The following TAFA2 variants were observed in gnomAD, a reference collection of about 807,000 sequenced individuals.
TAFA2 encodes the protein TAFA chemokine like family member 2.
A neutral mutation model predicts 18.8 loss-of-function variants in TAFA2; 7 were observed. The ratio of observed to expected loss-of-function variants is 0.37; its 90% CI spans 0.21 to 0.70. The LOEUF is 0.70. TAFA2 is among the 30% of genes least tolerant of loss of function. TAFA2 has a pLI of 0.53. For missense variants in TAFA2, 122 were observed against 158.1 expected (o/e 0.77, Z 1.23); for synonymous variants, 60 against 54.2 (o/e 1.11, Z -0.47).
intron 1 of TAFA2, among the ~76,000 whole-genome samples, chr12:61,908,204 C>T (rs1033681551): frequency 5.9e-5 from 9 of 152,072 alleles, no homozygotes; most frequent in African/African-American, 1.9e-4. Flanking sequence ...GTGTCCCCAC[C>T]CAAATCTCAT....
chr12:62,069,152 A>G (rs573040859), intron 1 of TAFA2, among the ~76,000 whole-genome samples: 3 of 152,168 alleles, frequency 2.0e-5, no homozygotes, highest in Non-Finnish European at 4.4e-5. Flanking sequence ...TGGGCTCCAC[A>G]CTGGTCTGTA....
At chr12:61,824,145 G>T (rs1190435949) in intron 2 of TAFA2, among the ~76,000 whole-genome samples, 1 of 152,184 alleles carries the variant, frequency 6.6e-6, no homozygotes, top group Admixed American at 6.5e-5. Context: ...ACCTCCAGGA[G>T]CTGAGAGAAA....
chr12:61,726,129 G>T (rs1174872481), intron 4 of TAFA2, among the ~76,000 whole-genome samples: 5 of 151,360 alleles, frequency 3.3e-5, no homozygotes, highest in African/African-American at 9.7e-5. Flanking sequence ...AATGTTTTCA[G>T]GGACTCTTTT....
intron 2 of TAFA2, among the ~76,000 whole-genome samples, chr12:61,791,023 T>C (rs1870955318): frequency 6.6e-6 from 1 of 151,624 alleles, no homozygotes; most frequent in Admixed American, 6.6e-5. Context: ...CATAGACCAA[T>C]GGAACGGAAG....
At chr12:61,729,478 C>T (rs1243693983) in intron 4 of TAFA2, among the ~76,000 whole-genome samples, 1 of 151,594 alleles carries the variant, frequency 6.6e-6, no homozygotes, top group African/African-American at 2.4e-5. Flanking sequence ...GTCTTGGAGC[C>T]CTGAATTTCT....
intron 1 of TAFA2, among the ~76,000 whole-genome samples, chr12:61,979,656 G>A (rs1482609345): frequency 6.6e-6 from 1 of 151,586 alleles, no homozygotes; most frequent in African/African-American, 2.4e-5. Flanking sequence ...GAGTAAGGAG[G>A]AAATTAAGAA....
At chr12:61,769,567 C>A (rs946613020) in intron 2 of TAFA2, among the ~76,000 whole-genome samples, 10 of 152,098 alleles carry the variant, frequency 6.6e-5, no homozygotes, top group Admixed American at 1.3e-4. Flanking sequence ...TCACAGGACT[C>A]TTTGAAGACA....
chr12:61,850,048 T>C (rs1029594824), intron 2 of TAFA2, among the ~76,000 whole-genome samples: 5 of 152,112 alleles, frequency 3.3e-5, no homozygotes, highest in African/African-American at 7.2e-5. Flanking sequence ...ACAGGGGTGA[T>C]AGCATCCCCC....
chr12:61,981,842 G>A lies in TAFA2; in HGVS notation c.-1-114416C>T, dbSNP rs143180677. On this transcript the variant is annotated intron_variant, in intron 1 of 4. Transcript: ENST00000416284. ...TGGAGAGGATGTCCCACTGTTGGTG[G>A]GAGTGTAAATTAGTTCAACCATTGT... Among the ~76,000 whole-genome samples the A allele has an allele frequency of 2.2e-3, 337 of 151,882 alleles. 3 individuals carry two copies. The highest frequency in any genetic ancestry group is 7.7e-3 in the African/African-American group (318 of 41,482).
intron 1 of TAFA2, among the ~76,000 whole-genome samples, chr12:62,177,019 CTG>C (rs1318448885): frequency 6.6e-6 from 1 of 152,214 alleles, no homozygotes; most frequent in Non-Finnish European, 1.5e-5. Context: ...TCTTGAATTG[CTG>C]TGTGAGTTTA....
intron 1 of TAFA2, among the ~76,000 whole-genome samples, chr12:61,918,890 AG>A (rs559323433): frequency 6.6e-6 from 1 of 152,172 alleles, no homozygotes; most frequent in Non-Finnish European, 1.5e-5. Context: ...CATATTTAAA[AG>A]CTCTGGTGTC....
At position 61,708,783 on chromosome 12, in the gene TAFA2, C is replaced by G. The variant is rs1295297094; in HGVS notation, c.*1623G>C. The G allele has an allele frequency of 6.6e-6, 1 of 151,968 alleles. No individual in the cohort carries two copies. Among genetic ancestry groups the G allele is most frequent in the Non-Finnish European group, 1.5e-5 (1 of 67,974 alleles). The allele number at this position is 151,968 out of a possible 1,614,324, so 9.4% of individuals were successfully genotyped here. A position where few individuals can be genotyped will look rare whatever the true frequency, so the allele number is the denominator to read the frequency against. On this transcript the variant is annotated 3_prime_UTR_variant, in exon 5 of 5. Transcript: ENST00000416284. Reference sequence around the variant, plus strand: ...AATTTTACATTTTTAGTTGCTCTTCCCAGGAAAGTGTCTGAGTAGTGTTTT... The same window carrying G: ...AATTTTACATTTTTAGTTGCTCTTCGCAGGAAAGTGTCTGAGTAGTGTTTT...
At chr12:62,244,683 TC>T (rs1349523810) in intron 1 of TAFA2, among the ~76,000 whole-genome samples, 1 of 152,170 alleles carries the variant, frequency 6.6e-6, no homozygotes, top group East Asian at 1.9e-4. Context: ...CTATTTATAC[TC>T]CTATCAGCAG....
At chr12:62,072,716 G>A (rs1234123574) in intron 1 of TAFA2, among the ~76,000 whole-genome samples, 1 of 152,144 alleles carries the variant, frequency 6.6e-6, no homozygotes, top group African/African-American at 2.4e-5. Flanking sequence ...AGCCTGGGAA[G>A]TTGAGGCTGA....
rs568736834 is a variant in TAFA2, at chr12:62,211,076, G to C, written c.-130+47687C>G. Among the ~76,000 whole-genome samples the C allele has an allele frequency of 3.3e-5, 5 of 152,332 alleles. No homozygotes were observed. The East Asian group carries it at 5.8e-4, about 18-fold the overall frequency. ...TATCAGCAAGAGATCTTTAGGACTA[G>C]TGTTAGAACACTGTCATCTGAGTGG... On this transcript the variant is annotated intron_variant, in intron 1 of 5. Coordinates refer to the TAFA2 transcript ENST00000551619.
chr12:61,718,802 G>A (rs574190128), intron 4 of TAFA2, among the ~76,000 whole-genome samples: 2 of 152,144 alleles, frequency 1.3e-5, no homozygotes, highest in East Asian at 3.9e-4. Context: ...TCCCCTTTCT[G>A]CCAGAAAGCT....
intron 4 of TAFA2, among the ~76,000 whole-genome samples, chr12:61,713,349 A>G (rs1869501753): frequency 6.6e-6 from 1 of 152,122 alleles, no homozygotes; most frequent in Non-Finnish European, 1.5e-5. Context: ...TCTGTGCTGG[A>G]GTCTCTGAGC....
intron 1 of TAFA2, among the ~76,000 whole-genome samples, chr12:62,019,414 T>G (rs964581890): frequency 1.9e-5 from 1 of 52,846 alleles, no homozygotes; most frequent in Non-Finnish European, 4.3e-5. Context: ...AGCAAAGACT[T>G]GGACCCAAAT....
chr12:61,757,492 C>G (rs572797093), intron 2 of TAFA2, among the ~76,000 whole-genome samples: 1 of 152,030 alleles, frequency 6.6e-6, no homozygotes, highest in African/African-American at 2.4e-5. Context: ...CAAGCAACAA[C>G]ATTTATAAAA....
Sources: gnomAD v4.1 joint callset for allele counts (sites outside exome capture counted in the v4.1 genomes callset) on GRCh38, gnomAD v4.1.1 for gene constraint, MANE v1.5 for transcripts, NCBI Gene and HGNC (gene_info 2026-07-23, HGNC 2026-07-21) for gene names.